Variants in ADAMTSL1 observed in about 807,000 individuals in gnomAD.
ADAMTSL1 encodes ADAMTS like 1, also known as ADAMTS-like protein 1.
In ADAMTSL1, 126 loss-of-function variants were observed where a neutral mutation model predicts 201.8. The observed-to-expected ratio is 0.62, with a 90% CI of 0.54 to 0.72. The LOEUF is 0.72. Among genes scored for constraint, ADAMTSL1 ranks in the 30% least tolerant of loss-of-function variants. ADAMTSL1 has a pLI of 0.00. For missense variants in ADAMTSL1, 2,679 were observed against 2,277.8 expected, an observed-to-expected ratio of 1.18 and a Z score of -3.59; for synonymous variants, 1,121 against 903.4, an observed-to-expected ratio of 1.24 and a Z score of -4.32.
intron 2 of ADAMTSL1, among the ~76,000 whole-genome samples, chr9:18,412,312 C>T (rs1271125474): frequency 6.6e-6 from 1 of 152,190 alleles, no homozygotes; most frequent in Non-Finnish European, 1.5e-5. Flanking sequence ...TAAGATTAAT[C>T]AGTGGACACA....
At chr9:18,298,019 C>G (rs937092156) in intron 2 of ADAMTSL1, among the ~76,000 whole-genome samples, 10 of 152,150 alleles carry the variant, frequency 6.6e-5, no homozygotes, top group African/African-American at 2.4e-4. Context: ...TAAAAACAGA[C>G]CTGCAGGTTT....
At chr9:18,298,819 C>T (rs1039989690) in intron 2 of ADAMTSL1, among the ~76,000 whole-genome samples, 1 of 151,606 alleles carries the variant, frequency 6.6e-6, no homozygotes, top group African/African-American at 2.4e-5. Context: ...GTCAGGAGAT[C>T]GAGACCACGG....
rs28578113 is a variant in ADAMTSL1 at position 18,000,219 on chromosome 9, C to T, written c.87+93297C>T. ...TGGTTGAACTAGTTTACAGTCCCAC[C>T]AACAGTGTAAAAGTGTTCCTATTTC... On this transcript the variant is annotated intron_variant, in intron 1 of 29. Coordinates refer to the ADAMTSL1 transcript ENST00000680146. 9.4e-4 allele frequency among the ~76,000 whole-genome samples: 143 copies of T among 151,458 alleles called. 1 individual carries two copies. The highest frequency in any genetic ancestry group is 3.2e-3 in the African/African-American group (134 of 41,264).
rs942385984 is a variant in ADAMTSL1, at chr9:18,906,767, A to G, written c.5037A>G (p.Thr1679=). The change falls in exon 28 of 29, where the codon ACA becomes ACG. Residue 1679 remains threonine, a synonymous_variant. Transcript: ENST00000380548. ...HWRVSLWTLC[T]ATCGNYGFQS... Reference sequence around the variant, plus strand: ...GAGTCAGCCTGTGGACCCTGTGCACAGCTACCTGTGGCAACTACGGCTTCC... The same window carrying G: ...GAGTCAGCCTGTGGACCCTGTGCACGGCTACCTGTGGCAACTACGGCTTCC... 1 of 1,613,952 alleles carries G rather than the reference A, an allele frequency of 6.2e-7. No homozygotes were observed. Among genetic ancestry groups the G allele is most frequent in the Middle Eastern group, 1.7e-4 (1 of 6,060 alleles).
chr9:18,769,474 T>C (rs555820139), intron 16 of ADAMTSL1, among the ~76,000 whole-genome samples: 29 of 152,310 alleles, frequency 1.9e-4, no homozygotes, highest in African/African-American at 5.5e-4. Flanking sequence ...CTGAAAGTGA[T>C]AGAAAACCCA....
chr9:18,848,942 A>G (rs562817312), intron 23 of ADAMTSL1, among the ~76,000 whole-genome samples: 1 of 152,366 alleles, frequency 6.6e-6, no homozygotes, highest in East Asian at 1.9e-4. Context: ...GAAAAAGGAA[A>G]GAGATTTTGC....
chr9:18,894,685 A>G (rs996262375), intron 26 of ADAMTSL1, among the ~76,000 whole-genome samples: 1 of 152,204 alleles, frequency 6.6e-6, no homozygotes, highest in African/African-American at 2.4e-5. Flanking sequence ...GAGATATCTA[A>G]GTACAGATGC....
intron 2 of ADAMTSL1, among the ~76,000 whole-genome samples, chr9:18,416,427 G>C (rs77647484): frequency 0.089 from 13,514 of 151,954 alleles, 653 homozygotes; most frequent in Middle Eastern, 0.13. Context: ...AAGGAAGAGA[G>C]TAAACTAAGA....
chr9:18,270,090 A>T (rs950335774), intron 2 of ADAMTSL1, among the ~76,000 whole-genome samples: 1 of 152,074 alleles, frequency 6.6e-6, no homozygotes, highest in Non-Finnish European at 1.5e-5. Flanking sequence ...GGAGCTTCTA[A>T]ATAACAGAAA....
At chr9:18,840,176 G>C (rs1383737014) in intron 23 of ADAMTSL1, among the ~76,000 whole-genome samples, 2 of 149,774 alleles carry the variant, frequency 1.3e-5, no homozygotes. Context: ...TAGGTCTAAC[G>C]TTTAAGTCTT....
At chr9:18,155,310 A>T (rs1441312381) in intron 1 of ADAMTSL1, among the ~76,000 whole-genome samples, 1 of 152,050 alleles carries the variant, frequency 6.6e-6, no homozygotes, top group Non-Finnish European at 1.5e-5. Flanking sequence ...GAGGATCTGA[A>T]ACACATCTGC....
intron 1 of ADAMTSL1, among the ~76,000 whole-genome samples, chr9:18,030,482 C>G (rs1347954736): frequency 6.6e-6 from 1 of 151,966 alleles, no homozygotes; most frequent in African/African-American, 2.4e-5. Context: ...AGCACACCAG[C>G]ATGGCACATG....
chr9:18,132,836 C>G (rs1431772521), intron 1 of ADAMTSL1, among the ~76,000 whole-genome samples: 1 of 152,104 alleles, frequency 6.6e-6, no homozygotes, highest in Non-Finnish European at 1.5e-5. Flanking sequence ...TTAGTGCTCC[C>G]CAAGCTCCCA....
At chr9:18,590,126 G>A (rs940840895) in intron 4 of ADAMTSL1, among the ~76,000 whole-genome samples, 3 of 151,898 alleles carry the variant, frequency 2.0e-5, no homozygotes, top group Non-Finnish European at 4.4e-5. Flanking sequence ...TTTTTTAAAT[G>A]TTTGGTAGAA....
intron 7 of ADAMTSL1, among the ~76,000 whole-genome samples, chr9:18,655,148 G>C (rs979918964): frequency 6.6e-6 from 1 of 152,216 alleles, no homozygotes; most frequent in African/African-American, 2.4e-5. Flanking sequence ...CTTTAACAGT[G>C]CTTTCTCTGG....
intron 1 of ADAMTSL1, among the ~76,000 whole-genome samples, chr9:18,105,313 A>G (rs907470837): frequency 6.6e-6 from 1 of 152,174 alleles, no homozygotes; most frequent in African/African-American, 2.4e-5. Flanking sequence ...ACTTGTTTAG[A>G]CTGACAGCAT....
intron 2 of ADAMTSL1, among the ~76,000 whole-genome samples, chr9:18,240,699 GAGT>G (rs1831027602): frequency 6.6e-6 from 1 of 152,132 alleles, no homozygotes; most frequent in Non-Finnish European, 1.5e-5. Flanking sequence ...ACTCCAGAGG[GAGT>G]ACTCCCTAAC....
chr9:18,298,574 T>C (rs1252087471), intron 2 of ADAMTSL1, among the ~76,000 whole-genome samples: 4 of 152,034 alleles, frequency 2.6e-5, no homozygotes, highest in Non-Finnish European at 5.9e-5. Context: ...TCAGTGCTTA[T>C]TGTGAGCAAC....
chr9:18,124,001 T>G (rs114066984), intron 1 of ADAMTSL1, among the ~76,000 whole-genome samples: 2,693 of 152,036 alleles, frequency 0.018, 89 homozygotes, highest in African/African-American at 0.061. Context: ...TATGAAATGG[T>G]ATCTCATTGT....
Sources: allele counts gnomAD v4.1 joint callset (sites outside exome capture counted in the v4.1 genomes callset), GRCh38; gene constraint gnomAD v4.1.1; transcripts MANE v1.5; gene names NCBI Gene and HGNC (gene_info 2026-07-23, HGNC 2026-07-21).